Variants in EPS8L1 observed in about 807,000 individuals in gnomAD.
The protein encoded by EPS8L1 is epidermal growth factor receptor kinase substrate 8-like protein 1.
Under a neutral mutation model 91.7 loss-of-function variants are expected in EPS8L1, and 101 were observed. The ratio of observed to expected loss-of-function variants is 1.10; its 90% CI spans 0.94 to 1.30. The LOEUF (loss-of-function observed/expected upper bound fraction) is 1.30. Among genes scored for constraint, EPS8L1 ranks in the 50% most tolerant of loss-of-function variants. EPS8L1 has a pLI of 0.00. For synonymous variants in EPS8L1, 506 were observed against 445.3 expected, an observed-to-expected ratio of 1.14 and a Z score of -1.72; for missense variants, 1,114 against 1,017.0, an observed-to-expected ratio of 1.10 and a Z score of -1.30.
chr19:55,079,000 G>A lies in EPS8L1; in HGVS notation c.60G>A (p.Glu20=), dbSNP rs1191437100. The A allele has an allele frequency of 8.7e-6, 14 of 1,613,862 alleles. No homozygotes were observed. The highest frequency in any genetic ancestry group is 1.2e-5 in the Non-Finnish European group (14 of 1,179,928). The change falls in exon 4 of 20, where the codon GAG becomes GAA. Residue 20 remains glutamate, a splice_region_variant and synonymous_variant. Transcript: ENST00000201647. The part of the protein sequence containing the change: ...APKPSAKSIY[E]QRKRYSTVVM... Reference sequence around the variant, plus strand: ...CTCATTCTCTTTCTCCCCTGGCAGAGCAGAGGAAGCGTTACTCCACAGTTG... The same window carrying A: ...CTCATTCTCTTTCTCCCCTGGCAGAACAGAGGAAGCGTTACTCCACAGTTG...
intron 17 of EPS8L1, 79 bp from the exon 18 acceptor site, chr19:55,086,635 G>GCCCCCCCCCC: frequency 2.3e-6 from 3 of 1,307,702 alleles, no homozygotes; most frequent in Non-Finnish European, 3.2e-6. Flanking sequence ...ACGCTGGAGC[G>GCCCCCCCCCC]CCCCCCCGCC....
At chr19:55,082,025 C>T (rs1366232638) in intron 9 of EPS8L1, 67 bp from the exon 10 acceptor site, 6 of 1,550,168 alleles carry the variant, frequency 3.9e-6, no homozygotes, top group Non-Finnish European at 5.2e-6. Context: ...AACCGGGTGT[C>T]CACCTCTCTC....
In EPS8L1 at chr19:55,082,094, G is replaced by A. The variant is rs1366355163; in HGVS notation, c.904G>A (p.Gly302Ser). Residue 302 changes from glycine (G) to serine (S), a missense_variant and splice_region_variant, in exon 10 of 20, where the codon GGC becomes AGC. Physicochemically the swap from Gly to Ser is moderately conservative, Grantham distance 56 (BLOSUM62 0). Transcript: ENST00000201647. ...CCGCGCCCGTCTGCTCCCCTCAGAG[G>A]GCTTGCTGACGCTGCGGGCCAAGCC... ...RRSRRRAAGEGLLTLRAKPPS... is the reference protein window; with the variant it reads ...RRSRRRAAGESLLTLRAKPPS... 3.1e-6 allele frequency: 5 copies of A among 1,587,610 alleles called. No individual in the cohort carries two copies. Among genetic ancestry groups the A allele is most frequent in the South Asian group, 2.3e-5 (2 of 87,822 alleles).
chr19:55,075,985 G>A (rs559273322), intron 1 of EPS8L1, 66 bp downstream of exon 1: 4 of 165,730 alleles, frequency 2.4e-5, no homozygotes, highest in Non-Finnish European at 5.2e-5. Flanking sequence ...GGGACGGGGG[G>A]ACTGGGGTCT....
rs1029370578 is a variant in EPS8L1 at position 55,083,657 on chromosome 19, C to T, written c.1385+13C>T. 1.3e-6 allele frequency: 2 copies of T among 1,590,842 alleles called. No individual in the cohort carries two copies. The highest frequency in any genetic ancestry group is 3.6e-5 in the Admixed American group (2 of 56,160). On this transcript the variant is annotated intron_variant, in intron 14 of 19. Transcript: ENST00000201647. The surrounding 1 kb of genome is among the most constrained non-coding windows in gnomAD (Gnocchi z 4.7). ...TCGCTGTCAATGGGTGAGTGTCCGC[C>T]CCAGGGCAGGGCAAGGGGGTCAAGG... is the stretch of plus-strand genomic sequence containing the variant.
Position 55,086,150 on chromosome 19 carries a change from CG to C in EPS8L1, c.1610del (p.Gly537AspfsTer14), listed in dbSNP as rs780407785. Reference sequence around the variant, plus strand: ...CCTACAACATCCTGACACCCTACCCCGGACCCCGGCTGCACCACAGCCAAAG... The same window carrying C: ...CCTACAACATCCTGACACCCTACCCCGACCCCGGCTGCACCACAGCCAAAG... Reference protein sequence around the residue: ...VPYNILTPYPGPRLHHSQSPA... With the variant: ...VPYNILTPYPXPRLHHSQSPA... On this transcript the variant is annotated frameshift_variant, in exon 16 of 20. Coordinates refer to ENST00000201647, the MANE Select transcript of EPS8L1 (RefSeq NM_133180.3). LOFTEE classifies it high-confidence loss of function. 3 of 1,605,994 alleles carry C rather than the reference CG, an allele frequency of 1.9e-6. No individual in the cohort carries two copies. Among genetic ancestry groups the C allele is most frequent in the Non-Finnish European group, 2.6e-6 (3 of 1,175,446 alleles).
At chr19:55,086,635 G>GGGGCCCCCCCCCCCCC in intron 17 of EPS8L1, 79 bp from the exon 18 acceptor site, 2 of 1,307,710 alleles carry the variant, frequency 1.5e-6, no homozygotes, top group Non-Finnish European at 2.1e-6. Context: ...ACGCTGGAGC[G>GGGGCCCCCCCCCCCCC]CCCCCCCGCC....
In EPS8L1 at chr19:55,083,102, C is replaced by T. The variant is rs1419138707; in HGVS notation, c.1215-276C>T. Among the ~76,000 whole-genome samples the T allele has an allele frequency of 2.6e-5, 4 of 152,148 alleles. No homozygotes were observed. Among genetic ancestry groups the T allele is most frequent in the Non-Finnish European group, 5.9e-5 (4 of 68,032 alleles). The stretch of plus-strand genomic sequence containing the variant: ...AGATGGATGGGGTCTCAATATTTTG[C>T]CCAGGCTGGTCTGGAACTCCTGGCC... On this transcript the variant is annotated intron_variant, in intron 12 of 19. Coordinates refer to ENST00000201647, the MANE Select transcript of EPS8L1 (RefSeq NM_133180.3). The surrounding 1 kb of genome is among the most constrained non-coding windows in gnomAD (Gnocchi z 4.7).
chr19:55,077,947 T>C (rs1029535349), intron 2 of EPS8L1, 141 bp from the exon 3 acceptor site: 13 of 319,514 alleles, frequency 4.1e-5, no homozygotes, highest in African/African-American at 2.0e-4. Flanking sequence ...ATAATAATAA[T>C]AATAATAATA....
chr19:55,081,003 T>G lies in EPS8L1; in HGVS notation c.512+149T>G. ...TCTTGTCTGTACCTCCCAGACGAGC[T>G]GACCCCTTCTCCAGAACTCTGCTTC... On this transcript the variant is annotated intron_variant, in intron 7 of 19. Coordinates refer to ENST00000201647, the MANE Select transcript of EPS8L1 (RefSeq NM_133180.3). The surrounding 1 kb of genome is among the most constrained non-coding windows in gnomAD (Gnocchi z 4.9). 1 of 899,954 alleles carries G rather than the reference T, an allele frequency of 1.1e-6. No individual in the cohort carries two copies. Among genetic ancestry groups the G allele is most frequent in the Non-Finnish European group, 1.6e-6 (1 of 606,382 alleles). The allele number at this position is 899,954 out of a possible 1,614,324, so 55.7% of individuals were successfully genotyped here. A position where few individuals can be genotyped will look rare whatever the true frequency, so the allele number is the denominator to read the frequency against.
intron 3 of EPS8L1, among the ~76,000 whole-genome samples, chr19:55,078,727 A>G (rs577452519): frequency 0.018 from 207 of 11,394 alleles, no homozygotes; most frequent in Middle Eastern, 0.062. Context: ...GTCAGAGGGA[A>G]GAGGGGCTGG....
Position 55,087,298 on chromosome 19 carries a change from C to T in EPS8L1, c.1953-5C>T. ...CCTGACCGCGCCCGGGCTGCCCTCG[C>T]TCAGGACCGTGGACGCGCTGGGTGT... On this transcript the variant is annotated splice_region_variant and splice_polypyrimidine_tract_variant and intron_variant, in intron 18 of 19. Coordinates refer to ENST00000201647, the MANE Select transcript of EPS8L1 (RefSeq NM_133180.3). 1 of 1,600,580 alleles carries T rather than the reference C, an allele frequency of 6.2e-7. No individual in the cohort carries two copies. The highest frequency in any genetic ancestry group is 8.5e-7 in the Non-Finnish European group (1 of 1,174,240).
Position 55,083,337 on chromosome 19 carries a change from TATCAGG to T in EPS8L1, c.1215-37_1215-32del. 1 of 1,595,366 alleles carries T rather than the reference TATCAGG, an allele frequency of 6.3e-7. No homozygotes were observed. Among genetic ancestry groups the T allele is most frequent in the Non-Finnish European group, 8.6e-7 (1 of 1,168,708 alleles). On this transcript the variant is annotated intron_variant, in intron 12 of 19. Coordinates refer to ENST00000201647, the MANE Select transcript of EPS8L1 (RefSeq NM_133180.3). The surrounding 1 kb of genome is among the most constrained non-coding windows in gnomAD (Gnocchi z 4.7). ...AATGCAGGAACGAAGTTGGGGGCTG[TATCAGG>T]ATCCCTGAGCTCTTGGCCCTGTCCC...
At chr19:55,079,515 G>C (rs907485622) in intron 4 of EPS8L1, 175 bp from the exon 5 acceptor site, 31 of 742,722 alleles carry the variant, frequency 4.2e-5, no homozygotes, top group Non-Finnish European at 4.3e-5. Context: ...TCACTCTGAT[G>C]AAAGGGAAAC....
In EPS8L1 at chr19:55,085,842, C is replaced by A; in HGVS notation, c.1387C>A (p.His463Asn). The change falls in exon 15 of 20, where the codon CAC (histidine) becomes AAC (asparagine). Residue 463 changes from histidine (H) to asparagine (N), a missense_variant and splice_region_variant. His to Asn is a moderately conservative substitution (Grantham distance 68, BLOSUM62 1). Coordinates refer to ENST00000201647, the MANE Select transcript of EPS8L1 (RefSeq NM_133180.3). ...TCCAACCCTCCCGCTTCTCCTCAGT[C>A]ACCGAGACTTGGAGCCAGAATCTGA... is the stretch of plus-strand genomic sequence containing the variant. ...QSAPQVAVNG[H>N]RDLEPESEPQ... 1 of 1,612,220 alleles carries A rather than the reference C, an allele frequency of 6.2e-7. No homozygotes were observed. Among genetic ancestry groups the A allele is most frequent in the South Asian group, 1.1e-5 (1 of 90,966 alleles).
rs199663069 is a variant in EPS8L1, at chr19:55,086,706, G to C, written c.1778-8G>C. The stretch of plus-strand genomic sequence containing the variant: ...CGCACTCCCTACCTCCCGGTTTCCC[G>C]CCTGCAGAGAAATTCTCCCAGATGC... On this transcript the variant is annotated splice_region_variant and splice_polypyrimidine_tract_variant and intron_variant, in intron 17 of 19. Transcript: ENST00000201647. 12 of 1,361,896 alleles carry C rather than the reference G, an allele frequency of 8.8e-6. No homozygotes were observed. The East Asian group carries it at 4.6e-4, about 52-fold the overall frequency. 84.4% of individuals were successfully genotyped at this position (1,361,896 alleles called of 1,614,324 possible). A position where few individuals can be genotyped will look rare whatever the true frequency, so the allele number is the denominator to read the frequency against.
At chr19:55,076,967 A>G (rs1474392026) in intron 2 of EPS8L1, among the ~76,000 whole-genome samples, 1 of 152,224 alleles carries the variant, frequency 6.6e-6, no homozygotes, top group African/African-American at 2.4e-5. Context: ...AGATGAGTCA[A>G]AATACCTGCA....
rs558496438 is a variant in EPS8L1, at chr19:55,081,612, A to G, written c.774+120A>G. 9 of 427,562 alleles carry G rather than the reference A, an allele frequency of 2.1e-5. No homozygotes were observed. The highest frequency in any genetic ancestry group is 3.1e-5 in the Non-Finnish European group (8 of 262,028). 26.5% of individuals were successfully genotyped at this position (427,562 alleles called of 1,614,324 possible). On this transcript the variant is annotated intron_variant, in intron 8 of 19. Coordinates refer to ENST00000201647, the MANE Select transcript of EPS8L1 (RefSeq NM_133180.3). The surrounding 1 kb of genome is among the most constrained non-coding windows in gnomAD (Gnocchi z 4.9). The stretch of plus-strand genomic sequence containing the variant: ...CTCTGGTCAGACTTCTGCGTTATGG[A>G]AGAGGGGCTGGGTCGGGGGCGGGGC...
At chr19:55,076,373 A>C in intron 1 of EPS8L1, 35 bp from the exon 2 acceptor site, 1 of 1,586,384 alleles carries the variant, frequency 6.3e-7, no homozygotes, top group East Asian at 2.3e-5. Context: ...AGAGGCTCCT[A>C]CTGGCCAGGC....
Sources: allele counts gnomAD v4.1 joint callset (sites outside exome capture counted in the v4.1 genomes callset), GRCh38; gene constraint gnomAD v4.1.1; non-coding constraint Gnocchi (gnomAD v3.1); transcripts MANE v1.5; gene names NCBI Gene and HGNC (gene_info 2026-07-23, HGNC 2026-07-21).